TNRC6A: variants seen among roughly 807,000 people sequenced by gnomAD.
TNRC6A encodes the protein trinucleotide repeat-containing gene 6A protein.
A neutral mutation model predicts 221.2 loss-of-function variants in TNRC6A; 44 were observed. That is an observed-to-expected ratio of 0.20 (90% CI 0.16 to 0.26). TNRC6A has a LOEUF of 0.26. TNRC6A is among the 10% of genes least tolerant of loss of function. The pLI is 1.00. For missense variants in TNRC6A, 2,199 were observed against 2,404.4 expected (o/e 0.91, Z 1.79); for synonymous variants, 847 against 838.5 (o/e 1.01, Z -0.18).
intron 18 of TNRC6A, among the ~76,000 whole-genome samples, chr16:24,814,409 C>CTTT (rs1174753134): frequency 8.6e-6 from 1 of 116,756 alleles, no homozygotes; most frequent in Non-Finnish European, 1.7e-5. Flanking sequence ...TTTTTTTTTT[C>CTTT]TTTTTTTTTT....
chr16:24,690,355 A>G (rs752607002), intron 2 of TNRC6A, among the ~76,000 whole-genome samples: 1 of 152,168 alleles, frequency 6.6e-6, no homozygotes, highest in African/African-American at 2.4e-5. Context: ...ATAACAAGGA[A>G]GGGAAATTAT....
intron 4 of TNRC6A, chr16:24,776,213 C>A (rs566493789): frequency 2.1e-6 from 2 of 958,864 alleles, no homozygotes; most frequent in Admixed American, 6.2e-5. Flanking sequence ...CGTTTTATTT[C>A]TTTCTTTCCA....
chr16:24,729,943 G>T (rs1388637181), intron 1 of TNRC6A, 97 bp downstream of exon 1: 2 of 1,076,056 alleles, frequency 1.9e-6, no homozygotes, highest in East Asian at 7.7e-5. Flanking sequence ...CGGCGGCGCC[G>T]GGCGTCCCCG....
intron 2 of TNRC6A, among the ~76,000 whole-genome samples, chr16:24,739,638 CCAA>C (rs1369164130): frequency 2.6e-5 from 4 of 151,936 alleles, no homozygotes; most frequent in African/African-American, 9.7e-5. Flanking sequence ...ACTACTATGC[CCAA>C]CTAATTTTTG....
intron 6 of TNRC6A, chr16:24,793,227 C>T (rs1256720594): frequency 3.5e-6 from 1 of 289,344 alleles, no homozygotes; most frequent in Non-Finnish European, 6.3e-6. Context: ...ATGCAAAAAT[C>T]AGCTCTAGGT....
At chr16:24,815,338 A>G (rs771931236) in intron 19 of TNRC6A, 33 bp downstream of exon 19, 3 of 1,610,036 alleles carry the variant, frequency 1.9e-6, no homozygotes, top group South Asian at 2.2e-5. Context: ...CTTTCATGAG[A>G]CTGTGTTTCC....
rs1481599644 is a variant in TNRC6A at position 24,793,568 on chromosome 16, T to TG, written c.3277dup (p.Glu1093GlyfsTer37). 2.5e-6 allele frequency: 4 copies of TG among 1,572,598 alleles called. No homozygotes were observed. Among genetic ancestry groups the TG allele is most frequent in the African/African-American group, 1.4e-5 (1 of 73,724 alleles). On this transcript the variant is annotated frameshift_variant, in exon 7 of 25. Coordinates refer to ENST00000395799, the MANE Select transcript of TNRC6A (RefSeq NM_014494.4). LOFTEE classifies it high-confidence loss of function. ...TAAGCCCATAGACAGTGGTCCCAGC[T>TG]GGGGGGAACCCATTGCTGCGGCATC... is the stretch of plus-strand genomic sequence containing the variant.
intron 1 of TNRC6A, among the ~76,000 whole-genome samples, chr16:24,618,212 C>A (rs114763404): frequency 1.3e-5 from 2 of 152,174 alleles, no homozygotes; most frequent in Non-Finnish European, 2.9e-5. Context: ...TGAGCCACTG[C>A]GCCCAGCCCA....
chr16:24,794,446 T>A, intron 7 of TNRC6A, 98 bp from the exon 8 acceptor site: 6 of 1,315,982 alleles, frequency 4.6e-6, no homozygotes, highest in Admixed American at 5.0e-5. Flanking sequence ...GTGTGTGTTT[T>A]CTTAGGTTCT....
intron 1 of TNRC6A, among the ~76,000 whole-genome samples, chr16:24,631,028 A>T (rs1901305442): frequency 6.6e-6 from 1 of 152,120 alleles, no homozygotes. Context: ...GAAAGAAAAA[A>T]AAAAAAGGGA....
At position 24,784,533 on chromosome 16, in the gene TNRC6A, AG is replaced by A. The variant is rs1178253017; in HGVS notation, c.590-4697del. On this transcript the variant is annotated intron_variant, in intron 5 of 24. Transcript: ENST00000395799. ...GAGATGGGGTGTTGCAGGGTTGCCC[AG>A]GATAGTCTCACTTCTGGACCCAACC... is the stretch of plus-strand genomic sequence containing the variant. 3.3e-5 allele frequency among the ~76,000 whole-genome samples: 5 copies of A among 152,248 alleles called. No homozygotes were observed. The South Asian group carries it at 1.0e-3, about 32-fold the overall frequency.
chr16:24,768,697 A>G (rs2057527798), intron 4 of TNRC6A, among the ~76,000 whole-genome samples: 1 of 152,300 alleles, frequency 6.6e-6, no homozygotes, highest in South Asian at 2.1e-4. Flanking sequence ...ACTAAGTTAT[A>G]TTTTCTAGAG....
chr16:24,687,930 TTTTCTTTTCTTTTC>T, intron 2 of TNRC6A, among the ~76,000 whole-genome samples: 1 of 123,010 alleles, frequency 8.1e-6, no homozygotes, highest in East Asian at 2.1e-4. Context: ...TTTTCTTTTC[TTTTCTTTTCTTTTC>T]TTTTCTTTTC....
chr16:24,687,338 A>G (rs1332747757), intron 2 of TNRC6A, among the ~76,000 whole-genome samples: 2 of 152,174 alleles, frequency 1.3e-5, no homozygotes, highest in Admixed American at 1.3e-4. Flanking sequence ...GGTGGAACTC[A>G]GTGGATGTGT....
intron 2 of TNRC6A, among the ~76,000 whole-genome samples, chr16:24,731,331 G>C (rs2056636084): frequency 6.6e-6 from 1 of 152,104 alleles, no homozygotes; most frequent in Admixed American, 6.6e-5. Context: ...CAAATCGTCT[G>C]AATATTTTGC....
rs533190289 is a variant in TNRC6A at position 24,824,060 on chromosome 16, G to A, written c.*253G>A. The A allele has an allele frequency of 2.6e-5, 8 of 308,474 alleles. No homozygotes were observed. The highest frequency in any genetic ancestry group is 4.1e-5 in the Non-Finnish European group (7 of 170,042). 19.1% of individuals were successfully genotyped at this position (308,474 alleles called of 1,614,324 possible). A position where few individuals can be genotyped will look rare whatever the true frequency, so the allele number is the denominator to read the frequency against. ...ATGCTAAACCGTAGAGAATGAGCTC[G>A]CTTGTGTCTATTCATCATGTTTAGC... On this transcript the variant is annotated 3_prime_UTR_variant, in exon 25 of 25. Transcript: ENST00000395799.
upstream of TNRC6A, among the ~76,000 whole-genome samples, chr16:24,725,214 G>C (rs1567390371): frequency 6.6e-6 from 1 of 152,020 alleles, no homozygotes; most frequent in Non-Finnish European, 1.5e-5. Context: ...CTGTCACCCA[G>C]ACTGGAGTGC....
chr16:24,730,392 A>G, intron 2 of TNRC6A, 92 bp downstream of exon 2: 2 of 1,472,004 alleles, frequency 1.4e-6, no homozygotes, highest in Non-Finnish European at 9.2e-7. Context: ...TTCCCCCGTG[A>G]CATTTTCTTC....
At position 24,820,186 on chromosome 16, in the gene TNRC6A, A is replaced by T; in HGVS notation, c.5128A>T (p.Asn1710Tyr). 1 of 1,614,158 alleles carries T rather than the reference A, an allele frequency of 6.2e-7. No homozygotes were observed. The highest frequency in any genetic ancestry group is 8.5e-7 in the Non-Finnish European group (1 of 1,180,028). ...KLTWSPGSVT[N>Y]TSLAHELWKV... Reference sequence around the variant, plus strand: ...GACATGGTCTCCTGGTTCAGTTACAAACACCTCTCTGGCTCATGAGCTGTG... The same window carrying T: ...GACATGGTCTCCTGGTTCAGTTACATACACCTCTCTGGCTCATGAGCTGTG... Residue 1710 changes from asparagine (N) to tyrosine (Y), a missense_variant, in exon 22 of 25, where the codon AAC becomes TAC. By Grantham distance (143) the Asn-to-Tyr change is moderately radical. This residue lies in a region of TNRC6A where 449 missense variants were observed against 579.7 expected (regional missense o/e 0.77). Coordinates refer to ENST00000395799, the MANE Select transcript of TNRC6A (RefSeq NM_014494.4).
Sources: allele counts gnomAD v4.1 joint callset (sites outside exome capture counted in the v4.1 genomes callset), GRCh38; gene constraint gnomAD v4.1.1; regional missense constraint gnomAD v4.1.1; transcripts MANE v1.5; gene names NCBI Gene and HGNC (gene_info 2026-07-23, HGNC 2026-07-21).